NELL1: variants seen among roughly 807,000 people sequenced by gnomAD.
The protein encoded by NELL1 is protein kinase C-binding protein NELL1.
A neutral mutation model predicts 107.4 loss-of-function variants in NELL1; 76 were observed. The ratio of observed to expected loss-of-function variants is 0.71; its 90% CI spans 0.59 to 0.86. NELL1 has a LOEUF of 0.86. Ranked by LOEUF, NELL1 falls within the 40% of genes least tolerant of loss-of-function variation. The pLI, the probability that NELL1 is intolerant of heterozygous loss-of-function variation, is 0.00. For missense variants in NELL1, 1,024 were observed against 1,005.5 expected, an observed-to-expected ratio of 1.02 and a Z score of -0.25; for synonymous variants, 353 against 341.2, an observed-to-expected ratio of 1.03 and a Z score of -0.38.
chr11:21,351,266 A>G (rs1850806941), intron 14 of NELL1, among the ~76,000 whole-genome samples: 1 of 147,692 alleles, frequency 6.8e-6, no homozygotes. Flanking sequence ...AACTGAGTGA[A>G]TATTTTTTTT....
intron 13 of NELL1, among the ~76,000 whole-genome samples, chr11:21,125,444 T>TA (rs200918790): frequency 3.3e-5 from 5 of 151,356 alleles, no homozygotes; most frequent in East Asian, 1.9e-4. Context: ...TTCAGCTTCT[T>TA]AAAAAAAAAG....
chr11:20,698,424 G>A (rs550617608), intron 2 of NELL1, among the ~76,000 whole-genome samples: 1 of 152,296 alleles, frequency 6.6e-6, no homozygotes, highest in African/African-American at 2.4e-5. Flanking sequence ...GAGATGGAGA[G>A]AGACAGCAGA....
intron 14 of NELL1, among the ~76,000 whole-genome samples, chr11:21,271,109 C>T (rs1312252199): frequency 6.6e-6 from 1 of 151,662 alleles, no homozygotes; most frequent in African/African-American, 2.4e-5. Flanking sequence ...AAATTAGATC[C>T]AAAATAAGCA....
chr11:21,181,458 T>G (rs2133824226), intron 13 of NELL1, among the ~76,000 whole-genome samples: 1 of 152,034 alleles, frequency 6.6e-6, no homozygotes, highest in Admixed American at 6.5e-5. Context: ...TTTAAAGAGT[T>G]AGTAATTTGC....
intron 13 of NELL1, chr11:21,169,768 G>A (rs541506770): frequency 1.6e-5 from 20 of 1,225,490 alleles, no homozygotes; most frequent in East Asian, 7.6e-5. Flanking sequence ...TTGAGGTGGC[G>A]GTGGAGTCCC....
chr11:21,328,008 T>G (rs1850184084), intron 14 of NELL1, among the ~76,000 whole-genome samples: 1 of 152,128 alleles, frequency 6.6e-6, no homozygotes, highest in African/African-American at 2.4e-5. Context: ...GATGATGTGT[T>G]AGAAAAGAAA....
intron 13 of NELL1, chr11:21,169,600 G>T (rs921258184): frequency 8.0e-5 from 27 of 337,752 alleles, no homozygotes; most frequent in African/African-American, 5.4e-4. Context: ...GCTAATTGGA[G>T]CTTTATTTTG....
rs541510201 is a variant in NELL1 at position 21,364,439 on chromosome 11, A to G, written c.1550-6414A>G. On this transcript the variant is annotated intron_variant, in intron 14 of 19. Transcript: ENST00000357134. ...AAAAAAAAAAAAAAAAAAAAAAAAG[A>G]CTTCATTCCCCTATCCTATCACAAA... 4.4e-3 allele frequency among the ~76,000 whole-genome samples: 604 copies of G among 136,888 alleles called. 9 individuals are homozygous for G. The highest frequency in any genetic ancestry group is 0.015 in the African/African-American group (563 of 37,546). The allele number at this position is 136,888 out of a possible 152,430, so 89.8% of individuals were successfully genotyped here. A position where few individuals can be genotyped will look rare whatever the true frequency, so the allele number is the denominator to read the frequency against.
chr11:20,700,276 C>A (rs1044801580), intron 2 of NELL1, among the ~76,000 whole-genome samples: 1 of 152,038 alleles, frequency 6.6e-6, no homozygotes, highest in Admixed American at 6.6e-5. Context: ...GTCAGGAGTT[C>A]AAGAACAGCC....
intron 15 of NELL1, among the ~76,000 whole-genome samples, chr11:21,372,319 G>A (rs1335603492): frequency 1.3e-5 from 2 of 151,616 alleles, no homozygotes; most frequent in South Asian, 4.1e-4. Context: ...ACTGCTTCCT[G>A]TAGAACTGCT....
At chr11:20,735,899 G>T (rs1407346603) in intron 2 of NELL1, among the ~76,000 whole-genome samples, 1 of 152,072 alleles carries the variant, frequency 6.6e-6, no homozygotes, top group Non-Finnish European at 1.5e-5. Flanking sequence ...CTGTAGTAGA[G>T]TCTGTAAAGT....
chr11:21,251,345 T>TA (rs1348058140), intron 14 of NELL1, among the ~76,000 whole-genome samples: 6 of 152,074 alleles, frequency 3.9e-5, no homozygotes, highest in Non-Finnish European at 5.9e-5. Context: ...TCCCCCAATA[T>TA]AAAAGGAGAC....
chr11:20,700,606 C>A (rs1275969583), intron 2 of NELL1, among the ~76,000 whole-genome samples: 1 of 151,882 alleles, frequency 6.6e-6, no homozygotes, highest in East Asian at 1.9e-4. Context: ...TGTGCGGCAC[C>A]CATTAACTCG....
chr11:21,082,745 A>G (rs186156333), intron 12 of NELL1, among the ~76,000 whole-genome samples: 5 of 152,238 alleles, frequency 3.3e-5, no homozygotes, highest in South Asian at 2.1e-4. Flanking sequence ...AATTTTTCCT[A>G]CACAAGCTCT....
intron 14 of NELL1, among the ~76,000 whole-genome samples, chr11:21,275,006 G>A (rs572439331): frequency 9.5e-4 from 145 of 152,052 alleles, no homozygotes; most frequent in African/African-American, 2.7e-3. Context: ...AAGCAAGAGC[G>A]AACACATTCA....
chr11:20,884,647 C>T (rs189180151), intron 4 of NELL1, among the ~76,000 whole-genome samples: 2 of 152,208 alleles, frequency 1.3e-5, no homozygotes, highest in Admixed American at 6.5e-5. Flanking sequence ...ATTAATTGTT[C>T]GGTAGGCTCT....
chr11:20,690,464 G>A (rs1484850838), intron 2 of NELL1, among the ~76,000 whole-genome samples: 1 of 151,752 alleles, frequency 6.6e-6, no homozygotes. Context: ...TTTGTATAAG[G>A]TGTAAGGAAG....
chr11:21,388,981 T>C (rs996995836), intron 15 of NELL1, among the ~76,000 whole-genome samples: 14 of 151,844 alleles, frequency 9.2e-5, no homozygotes, highest in Non-Finnish European at 8.8e-5. Context: ...TTAAGTCAAG[T>C]AAGTACATTC....
chr11:20,985,358 A>C (rs1276625277), intron 12 of NELL1, among the ~76,000 whole-genome samples: 3 of 152,210 alleles, frequency 2.0e-5, no homozygotes, highest in Non-Finnish European at 2.9e-5. Context: ...TCAATAAAAT[A>C]TAGCTATCAT....
Sources: gnomAD v4.1 joint callset for allele counts (sites outside exome capture counted in the v4.1 genomes callset) on GRCh38, gnomAD v4.1.1 for gene constraint, MANE v1.5 for transcripts, NCBI Gene and HGNC (gene_info 2026-07-23, HGNC 2026-07-21) for gene names.